Variants in TPCN2 observed in about 807,000 individuals in gnomAD.
The protein encoded by TPCN2 is two pore segment channel 2.
A neutral mutation model predicts 111.4 loss-of-function variants in TPCN2; 92 were observed. The observed-to-expected ratio is 0.83, with a 90% CI of 0.70 to 0.98. TPCN2 has a LOEUF of 0.98. Ranked by LOEUF, TPCN2 falls within the 50% of genes least tolerant of loss-of-function variation. The pLI, the probability that TPCN2 is intolerant of heterozygous loss-of-function variation, is 0.00. For synonymous variants in TPCN2, 405 were observed against 414.5 expected, an observed-to-expected ratio of 0.98 and a Z score of 0.28; for missense variants, 995 against 980.1, an observed-to-expected ratio of 1.02 and a Z score of -0.20.
intron 5 of TPCN2, 106 bp from the exon 6 acceptor site, chr11:69,062,778 G>GC: frequency 1.9e-6 from 2 of 1,037,578 alleles, no homozygotes; most frequent in Non-Finnish European, 2.9e-6. Flanking sequence ...CTCTGGAGTG[G>GC]CCCCCAGGGC....
rs755934380 is a variant in TPCN2, at chr11:69,079,010, T to A, written c.1529T>A (p.Val510Asp). The A allele has an allele frequency of 4.3e-5, 69 of 1,611,102 alleles. No homozygotes were observed. The South Asian group carries it at 7.3e-4, about 17-fold the overall frequency. Reference sequence around the variant, plus strand: ...AACGTGTTTGACGGGCTCCTCACCGTTGTCCTGCTGGTAAAGTAGGCGCAT... The same window carrying A: ...AACGTGTTTGACGGGCTCCTCACCGATGTCCTGCTGGTAAAGTAGGCGCAT... Reference protein sequence around the residue: ...PSNVFDGLLTVVLLVLEISTL... With the variant: ...PSNVFDGLLTDVLLVLEISTL... Residue 510 changes from valine (V) to aspartate (D), a missense_variant, in exon 16 of 25, where the codon GTT becomes GAT. Val to Asp is a radical substitution (Grantham distance 152). Coordinates refer to ENST00000294309, the MANE Select transcript of TPCN2 (RefSeq NM_139075.4).
Position 69,086,064 on chromosome 11 carries a change from G to A in TPCN2, c.2003+134G>A, listed in dbSNP as rs58555283. ...GGACTCGGGCCTTGACAGGGAAGTC[G>A]GCCAGCGTGGCATCCTGGCTTGCCT... is the stretch of plus-strand genomic sequence containing the variant. On this transcript the variant is annotated intron_variant, in intron 22 of 24. Coordinates refer to ENST00000294309, the MANE Select transcript of TPCN2 (RefSeq NM_139075.4). 0.012 allele frequency: 10,108 copies of A among 828,548 alleles called. 647 individuals are homozygous for A. The African/African-American group carries it at 0.15, about 12-fold the overall frequency. The allele number at this position is 828,548 out of a possible 1,614,324, so 51.3% of individuals were successfully genotyped here.
At chr11:69,053,919 T>C in intron 1 of TPCN2, 114 bp from the exon 2 acceptor site, 2 of 907,984 alleles carry the variant, frequency 2.2e-6, no homozygotes, top group Non-Finnish European at 3.4e-6. Flanking sequence ...GTCATCTCTT[T>C]ACAAACGGCC....
intron 19 of TPCN2, 86 bp downstream of exon 19, chr11:69,084,102 A>C (rs1016736166): frequency 1.4e-5 from 20 of 1,379,680 alleles, no homozygotes; most frequent in Non-Finnish European, 1.9e-5. Flanking sequence ...GGGCCGGCTC[A>C]CTGCTCTGTC....
intron 23 of TPCN2, 77 bp downstream of exon 23, chr11:69,086,681 G>T: frequency 7.1e-7 from 1 of 1,404,690 alleles, no homozygotes. Context: ...TGAGGCCACC[G>T]GCCGGGCCTG....
Position 69,064,011 on chromosome 11 carries a change from G to T in TPCN2, c.726+44G>T, listed in dbSNP as rs1217505139. 4 of 1,581,852 alleles carry T rather than the reference G, an allele frequency of 2.5e-6. No individual in the cohort carries two copies. In the Admixed American group the frequency reaches 5.0e-5, roughly 20 times the overall value. On this transcript the variant is annotated intron_variant, in intron 7 of 24. Coordinates refer to ENST00000294309, the MANE Select transcript of TPCN2 (RefSeq NM_139075.4). ...GGGTCTGGGAATGGGGCTGCCCTGT[G>T]CTGTGACTAACAGAGGGGGCTGGGC...
At chr11:69,063,033 T>G in intron 6 of TPCN2, 43 bp downstream of exon 6, 1 of 1,563,084 alleles carries the variant, frequency 6.4e-7, no homozygotes, top group Non-Finnish European at 8.8e-7. Flanking sequence ...GGGAAGGGGC[T>G]CTCTCTGCCC....
intron 19 of TPCN2, among the ~76,000 whole-genome samples, chr11:69,084,514 G>A (rs1363805792): frequency 6.6e-6 from 1 of 152,148 alleles, no homozygotes; most frequent in Non-Finnish European, 1.5e-5. Context: ...CCTTCCAGCT[G>A]AGGAGCCCAT....
In TPCN2 at chr11:69,048,977, G is replaced by C. The variant is rs1350974068; in HGVS notation, c.-21G>C. 4 of 1,226,890 alleles carry C rather than the reference G, an allele frequency of 3.3e-6. No individual in the cohort carries two copies. In the Admixed American group the frequency reaches 1.7e-4, roughly 52 times the overall value. The allele number at this position is 1,226,890 out of a possible 1,614,324, so 76.0% of individuals were successfully genotyped here. On this transcript the variant is annotated 5_prime_UTR_variant, in exon 1 of 25. Coordinates refer to ENST00000294309, the MANE Select transcript of TPCN2 (RefSeq NM_139075.4). Reference sequence around the variant, plus strand: ...CGGGGCTTGAGCTTCTGAGGGTCGGGTCCAGCGCGTGGGCTGCTGGATGGC... The same window carrying C: ...CGGGGCTTGAGCTTCTGAGGGTCGGCTCCAGCGCGTGGGCTGCTGGATGGC...
Position 69,085,754 on chromosome 11 carries a change from T to G in TPCN2, c.1920+2T>G. On this transcript the variant is annotated splice_donor_variant, in intron 21 of 24. Transcript: ENST00000294309. LOFTEE classifies it high-confidence loss of function. ...GCCAACAACTTCGATGACTTTGCGGTGAGCCCTGCGCCCTGTCCCAGCACC... is the reference window on the plus strand; with the variant it reads ...GCCAACAACTTCGATGACTTTGCGGGGAGCCCTGCGCCCTGTCCCAGCACC... The G allele has an allele frequency of 6.2e-7, 1 of 1,614,012 alleles. No homozygotes were observed. The highest frequency in any genetic ancestry group is 8.5e-7 in the Non-Finnish European group (1 of 1,179,918).
intron 7 of TPCN2, among the ~76,000 whole-genome samples, chr11:69,067,283 G>A (rs904628140): frequency 3.9e-5 from 6 of 152,352 alleles, no homozygotes; most frequent in Admixed American, 1.3e-4. Flanking sequence ...TCCAGGCACC[G>A]TGTCCATGCG....
chr11:69,071,550 C>A, intron 10 of TPCN2, 130 bp downstream of exon 10: 1 of 788,412 alleles, frequency 1.3e-6, no homozygotes, highest in Non-Finnish European at 2.1e-6. Context: ...AGGGTTGCCA[C>A]CTCTTGTGGA....
At chr11:69,066,946 AG>A in intron 7 of TPCN2, among the ~76,000 whole-genome samples, 1 of 152,136 alleles carries the variant, frequency 6.6e-6, no homozygotes, top group Non-Finnish European at 1.5e-5. Flanking sequence ...CAGGAGGGAG[AG>A]AGGATAGGGA....
chr11:69,077,482 G>A (rs1252296931), intron 13 of TPCN2, among the ~76,000 whole-genome samples: 1 of 152,218 alleles, frequency 6.6e-6, no homozygotes, highest in African/African-American at 2.4e-5. Context: ...GTGGCAGAGT[G>A]CGTATCGAGG....
intron 1 of TPCN2, among the ~76,000 whole-genome samples, chr11:69,051,522 G>A (rs1293653296): frequency 6.6e-6 from 1 of 152,234 alleles, no homozygotes; most frequent in Admixed American, 6.5e-5. Flanking sequence ...CACAGGTTGT[G>A]CAGCCTGGAG....
intron 13 of TPCN2, among the ~76,000 whole-genome samples, chr11:69,077,333 T>C (rs58142465): frequency 0.095 from 898 of 9,492 alleles, 8 homozygotes; most frequent in Non-Finnish European, 0.12. Context: ...GCCCTCCTGC[T>C]GTGTCCCTTC....
chr11:69,087,362 C>A (rs1014761045), intron 24 of TPCN2, among the ~76,000 whole-genome samples, 156 bp downstream of exon 24: 1 of 152,200 alleles, frequency 6.6e-6, no homozygotes, highest in African/African-American at 2.4e-5. Flanking sequence ...GAGAGCAGCT[C>A]AGAGCCGGGA....
chr11:69,082,589 A>C (rs377305138), intron 18 of TPCN2, among the ~76,000 whole-genome samples: 127 of 136,298 alleles, frequency 9.3e-4, no homozygotes, highest in African/African-American at 3.5e-3. Context: ...CACACATCGC[A>C]TGCAGATATC....
intron 22 of TPCN2, among the ~76,000 whole-genome samples, chr11:69,086,269 A>T (rs945233795): frequency 6.6e-6 from 1 of 152,088 alleles, no homozygotes; most frequent in African/African-American, 2.4e-5. Context: ...AAGAGCTCAG[A>T]CTGGCCCCAG....
Sources: allele counts gnomAD v4.1 joint callset (sites outside exome capture counted in the v4.1 genomes callset), GRCh38; gene constraint gnomAD v4.1.1; transcripts MANE v1.5; gene names NCBI Gene and HGNC (gene_info 2026-07-23, HGNC 2026-07-21).